MCTP1: variants seen among roughly 807,000 people sequenced by gnomAD.
The protein encoded by MCTP1 is multiple C2 and transmembrane domain-containing protein 1.
A neutral mutation model predicts 120.6 loss-of-function variants in MCTP1; 69 were observed. That is an observed-to-expected ratio of 0.57 (90% confidence interval 0.47 to 0.70). MCTP1 has a LOEUF of 0.70. Among genes scored for constraint, MCTP1 ranks in the 30% least tolerant of loss-of-function variants. The pLI is 0.00. For missense variants in MCTP1, 1,203 were observed against 1,248.8 expected (o/e 0.96, Z 0.55); for synonymous variants, 529 against 493.1 (o/e 1.07, Z -0.96).
intron 2 of MCTP1, among the ~76,000 whole-genome samples, chr5:94,964,507 T>C (rs1825128452): frequency 6.6e-6 from 1 of 152,204 alleles, no homozygotes; most frequent in South Asian, 2.1e-4. Context: ...TCTATTAATA[T>C]TTGCCCTATA....
At chr5:95,004,171 A>T (rs2153641084) in intron 2 of MCTP1, among the ~76,000 whole-genome samples, 1 of 152,296 alleles carries the variant, frequency 6.6e-6, no homozygotes, top group South Asian at 2.1e-4. Flanking sequence ...CTTGAGAGAG[A>T]TAATTTAGGG....
chr5:94,815,047 G>A (rs987638553), intron 17 of MCTP1, among the ~76,000 whole-genome samples: 1 of 152,150 alleles, frequency 6.6e-6, no homozygotes, highest in Non-Finnish European at 1.5e-5. Context: ...AGGAATACAT[G>A]TTATGAGGGA....
At chr5:94,988,602 T>G (rs773117989) in intron 2 of MCTP1, among the ~76,000 whole-genome samples, 5,253 of 150,872 alleles carry the variant, frequency 0.035, 169 homozygotes, top group East Asian at 0.084. Context: ...TGTGTGTTTT[T>G]TTTTTTTTTT....
intron 1 of MCTP1, among the ~76,000 whole-genome samples, chr5:95,251,186 T>C (rs1432437974): frequency 1.3e-5 from 2 of 152,040 alleles, no homozygotes; most frequent in African/African-American, 2.4e-5. Context: ...AAGGGGTTAC[T>C]TTATCTCCCA....
intron 2 of MCTP1, among the ~76,000 whole-genome samples, chr5:94,953,923 A>AT (rs1165317497): frequency 1.4e-4 from 4 of 29,034 alleles, no homozygotes; most frequent in African/African-American, 5.5e-4. Context: ...ATACAAATAT[A>AT]ATATATGCAT....
chr5:95,203,406 G>A (rs952282535), intron 1 of MCTP1, among the ~76,000 whole-genome samples: 7 of 152,180 alleles, frequency 4.6e-5, no homozygotes, highest in African/African-American at 7.2e-5. Context: ...TAAAGATCTT[G>A]AGATGAGACC....
chr5:94,760,703 T>TC, intron 19 of MCTP1, among the ~76,000 whole-genome samples: 1 of 152,178 alleles, frequency 6.6e-6, no homozygotes, highest in East Asian at 1.9e-4. Context: ...TTTTTTTTTT[T>TC]TTGAGACAGT....
intron 12 of MCTP1, among the ~76,000 whole-genome samples, chr5:94,887,438 A>G (rs1167077205): frequency 6.6e-6 from 1 of 152,172 alleles, no homozygotes; most frequent in Non-Finnish European, 1.5e-5. Flanking sequence ...AGACAAACTT[A>G]TACAATTCTA....
At chr5:95,157,715 G>T (rs979953414) in intron 1 of MCTP1, among the ~76,000 whole-genome samples, 1 of 152,184 alleles carries the variant, frequency 6.6e-6, no homozygotes, top group African/African-American at 2.4e-5. Context: ...TGGCCTAAAA[G>T]AGCTTCTCAA....
At chr5:95,192,556 T>C (rs888852530) in intron 1 of MCTP1, among the ~76,000 whole-genome samples, 38 of 152,162 alleles carry the variant, frequency 2.5e-4, no homozygotes, top group African/African-American at 7.9e-4. Context: ...AGATAACAGG[T>C]AGGATACAAT....
intron 19 of MCTP1, among the ~76,000 whole-genome samples, chr5:94,764,498 C>T (rs560123016): frequency 3.3e-5 from 5 of 152,124 alleles, no homozygotes; most frequent in African/African-American, 1.2e-4. Flanking sequence ...ACTCATTTCA[C>T]CTATAAAGAC....
At chr5:95,061,385 C>A (rs928685046) in intron 1 of MCTP1, among the ~76,000 whole-genome samples, 16 of 114,858 alleles carry the variant, frequency 1.4e-4, no homozygotes, top group Admixed American at 1.8e-4. Context: ...ACTTTCATAT[C>A]AATTTTCACA....
chr5:95,021,537 T>G (rs919413198), intron 1 of MCTP1, among the ~76,000 whole-genome samples: 2 of 152,078 alleles, frequency 1.3e-5, no homozygotes, highest in Non-Finnish European at 2.9e-5. Context: ...CTATCTAGCT[T>G]AATTTATTCT....
chr5:95,029,531 A>G (rs1348989628), intron 1 of MCTP1, among the ~76,000 whole-genome samples: 1 of 152,180 alleles, frequency 6.6e-6, no homozygotes, highest in African/African-American at 2.4e-5. Context: ...TGGAGAATCC[A>G]TGGGAAGAAG....
intron 17 of MCTP1, among the ~76,000 whole-genome samples, chr5:94,835,620 C>T (rs973442783): frequency 6.6e-6 from 1 of 152,202 alleles, no homozygotes; most frequent in Admixed American, 6.5e-5. Context: ...TCTGGCAGTG[C>T]TATATCCCCA....
chr5:94,967,981 C>T (rs922123981), intron 2 of MCTP1, among the ~76,000 whole-genome samples: 3 of 152,148 alleles, frequency 2.0e-5, no homozygotes, highest in African/African-American at 7.2e-5. Context: ...AAAGAAATTT[C>T]TAATCATTTT....
At position 95,040,611 on chromosome 5, in the gene MCTP1, T is replaced by A. The variant is rs550104216; in HGVS notation, c.721-23127A>T. Among the ~76,000 whole-genome samples, 32 of 152,238 alleles carry A rather than the reference T, an allele frequency of 2.1e-4. 1 individual carries two copies. In the South Asian group the frequency reaches 6.6e-3, roughly 32 times the overall value. On this transcript the variant is annotated intron_variant, in intron 1 of 22. Transcript: ENST00000515393. ...AGGTGGTAACACACCTTCCTATCCATGTGTTTCTACCTTTCCATGTCCAAA... is the reference window on the plus strand; with the variant it reads ...AGGTGGTAACACACCTTCCTATCCAAGTGTTTCTACCTTTCCATGTCCAAA...
intron 17 of MCTP1, among the ~76,000 whole-genome samples, chr5:94,830,119 C>T (rs1359991323): frequency 2.6e-5 from 4 of 152,166 alleles, no homozygotes; most frequent in African/African-American, 9.7e-5. Flanking sequence ...TCTCTGTTAC[C>T]ATCTACAGAG....
At chr5:95,000,346 T>TA (rs935971508) in intron 2 of MCTP1, among the ~76,000 whole-genome samples, 95 of 151,602 alleles carry the variant, frequency 6.3e-4, no homozygotes, top group African/African-American at 2.2e-3. Flanking sequence ...TTCTATTTAT[T>TA]AAAAAAAAAG....
Sources: gnomAD v4.1 joint callset for allele counts (sites outside exome capture counted in the v4.1 genomes callset) on GRCh38, gnomAD v4.1.1 for gene constraint, MANE v1.5 for transcripts, NCBI Gene and HGNC (gene_info 2026-07-23, HGNC 2026-07-21) for gene names.